Variants in ANKMY2 observed in about 807,000 individuals in gnomAD.
ANKMY2 encodes the protein ankyrin repeat and MYND domain-containing protein 2.
In ANKMY2, 36 loss-of-function variants were observed where a neutral mutation model predicts 50.4. The ratio of observed to expected loss-of-function variants is 0.71; its 90% confidence interval spans 0.55 to 0.94. The LOEUF is 0.94. Ranked by LOEUF, ANKMY2 falls within the 40% of genes least tolerant of loss-of-function variation. ANKMY2 has a pLI of 0.00. For missense variants in ANKMY2, 565 were observed against 524.0 expected (o/e 1.08, Z -0.76); for synonymous variants, 187 against 178.8 (o/e 1.05, Z -0.36).
chr7:16,619,450 G>A (rs552046460), intron 4 of ANKMY2, among the ~76,000 whole-genome samples: 10 of 152,064 alleles, frequency 6.6e-5, no homozygotes, highest in South Asian at 2.1e-4. Flanking sequence ...TACTGTGCCC[G>A]GCCTAATTAT....
At chr7:16,631,311 C>G (rs1781577927) in intron 2 of ANKMY2, among the ~76,000 whole-genome samples, 1 of 152,186 alleles carries the variant, frequency 6.6e-6, no homozygotes, top group Admixed American at 6.5e-5. Context: ...CTGCATCAAC[C>G]TGCTAACATT....
At chr7:16,606,554 G>A (rs1265958481) in intron 7 of ANKMY2, among the ~76,000 whole-genome samples, 1 of 152,000 alleles carries the variant, frequency 6.6e-6, no homozygotes, top group Non-Finnish European at 1.5e-5. Context: ...TCTTTGTTCT[G>A]AGTTTTTCAA....
Position 16,627,212 on chromosome 7 carries a change from A to G in ANKMY2, c.133-34T>C, listed in dbSNP as rs1320225888. On this transcript the variant is annotated intron_variant, in intron 2 of 9. Coordinates refer to ENST00000306999, the MANE Select transcript of ANKMY2 (RefSeq NM_020319.3). ...GAAAGAGGAAAAAAGTATTAATTTT[A>G]CTGTTTTATCTTTTCTGTACCTATG... The G allele has an allele frequency of 2.7e-6, 4 of 1,485,144 alleles. No homozygotes were observed. In the South Asian group the frequency reaches 5.0e-5, roughly 18 times the overall value. 92.0% of individuals were successfully genotyped at this position (1,485,144 alleles called of 1,614,324 possible).
chr7:16,612,853 T>G (rs511938), intron 5 of ANKMY2, among the ~76,000 whole-genome samples: 20,962 of 152,242 alleles, frequency 0.14, 1,776 homozygotes, highest in Admixed American at 0.29. Flanking sequence ...GGAAATCCTT[T>G]TTATTAATTA....
At chr7:16,605,655 G>A (rs1781145563) in intron 7 of ANKMY2, among the ~76,000 whole-genome samples, 1 of 144,510 alleles carries the variant, frequency 6.9e-6, no homozygotes, top group African/African-American at 2.6e-5. Flanking sequence ...CCGCCACTAC[G>A]CCCAGCTAAT....
intron 5 of ANKMY2, among the ~76,000 whole-genome samples, chr7:16,613,960 A>T (rs1045987080): frequency 7.2e-5 from 11 of 152,012 alleles, no homozygotes; most frequent in Non-Finnish European, 1.5e-4. Context: ...CCCTTACTGC[A>T]ATCTGAAGAG....
rs1256967272 is a variant in ANKMY2, at chr7:16,600,867, G to A, written c.1220C>T (p.Ser407Phe). The A allele has an allele frequency of 1.2e-6, 2 of 1,613,058 alleles. No individual in the cohort carries two copies. Among genetic ancestry groups the A allele is most frequent in the African/African-American group, 2.7e-5 (2 of 74,828 alleles). Residue 407 changes from serine (S) to phenylalanine (F), a missense_variant, in exon 10 of 10, where the codon TCC becomes TTC. Ser to Phe is a radical substitution (Grantham distance 155). Transcript: ENST00000306999. The stretch of plus-strand genomic sequence containing the variant: ...TCCTTCCCCGGAATCTTCAGGATTG[G>A]AATCCTTTTGAGAGATACCTACTTC... ...EAEVGISQKD[S>F]NPEDSGEGKK... is the part of the protein sequence containing the mutation.
chr7:16,608,638 G>A (rs1781197147), intron 7 of ANKMY2, among the ~76,000 whole-genome samples: 1 of 152,172 alleles, frequency 6.6e-6, no homozygotes. Flanking sequence ...GACAAAAGCT[G>A]ATCAAGTTTT....
rs1253684476 is a variant in ANKMY2 at position 16,604,435 on chromosome 7, CTCT to C, written c.1011+283_1011+285del. ...GTCTCGTGCCCCACGGAAAACCTTTCTCTTATTTTCTCATATTCATTCATTCAT... is the reference window on the plus strand; with the variant it reads ...GTCTCGTGCCCCACGGAAAACCTTTCTATTTTCTCATATTCATTCATTCAT... On this transcript the variant is annotated intron_variant, in intron 8 of 9. Transcript: ENST00000306999. Among the ~76,000 whole-genome samples the C allele has an allele frequency of 7.9e-5, 9 of 114,546 alleles. No individual in the cohort carries two copies. In the East Asian group the frequency reaches 2.1e-3, roughly 27 times the overall value. 75.1% of individuals were successfully genotyped at this position (114,546 alleles called of 152,430 possible).
intron 2 of ANKMY2, among the ~76,000 whole-genome samples, chr7:16,630,326 A>G (rs1781565058): frequency 6.6e-6 from 1 of 152,168 alleles, no homozygotes; most frequent in Non-Finnish European, 1.5e-5. Context: ...ATCTAGATGA[A>G]TTTTTAAATT....
rs551428985 is a variant in ANKMY2, at chr7:16,625,136, A to C, written c.272-55T>G. The C allele has an allele frequency of 1.6e-5, 23 of 1,399,380 alleles. No individual in the cohort carries two copies. In the African/African-American group the frequency reaches 3.0e-4, roughly 18 times the overall value. The allele number at this position is 1,399,380 out of a possible 1,614,324, so 86.7% of individuals were successfully genotyped here. ...ATGTTAAGGAGGACACAATTTAAAC[A>C]TCCCTTTCTAAACTCTCTATACCCT... On this transcript the variant is annotated intron_variant, in intron 3 of 9. Coordinates refer to ENST00000306999, the MANE Select transcript of ANKMY2 (RefSeq NM_020319.3).
At chr7:16,627,312 T>C (rs2128344888) in intron 2 of ANKMY2, 134 bp from the exon 3 acceptor site, 1 of 538,416 alleles carries the variant, frequency 1.9e-6, no homozygotes, top group Non-Finnish European at 3.0e-6. Flanking sequence ...TATTTTTATA[T>C]TTGCTTCCAC....
At chr7:16,630,074 C>T (rs1351048001) in intron 2 of ANKMY2, among the ~76,000 whole-genome samples, 1 of 151,988 alleles carries the variant, frequency 6.6e-6, no homozygotes, top group African/African-American at 2.4e-5. Flanking sequence ...ATACATGATG[C>T]AAGTTAATTT....
At chr7:16,606,516 T>C (rs2068954821) in intron 7 of ANKMY2, among the ~76,000 whole-genome samples, 1 of 152,230 alleles carries the variant, frequency 6.6e-6, no homozygotes, top group African/African-American at 2.4e-5. Flanking sequence ...TCACAGCGTT[T>C]CTATTTTTCT....
At chr7:16,607,355 CA>C (rs1289943602) in intron 7 of ANKMY2, among the ~76,000 whole-genome samples, 1 of 152,114 alleles carries the variant, frequency 6.6e-6, no homozygotes, top group Non-Finnish European at 1.5e-5. Context: ...CACTTGAGGT[CA>C]GGAGTTCAAG....
At chr7:16,615,996 T>G in intron 4 of ANKMY2, 92 bp from the exon 5 acceptor site, 1 of 1,222,400 alleles carries the variant, frequency 8.2e-7, no homozygotes, top group Non-Finnish European at 1.1e-6. Flanking sequence ...TTTTGTGATG[T>G]AAACATGCAC....
intron 5 of ANKMY2, among the ~76,000 whole-genome samples, chr7:16,613,480 T>C (rs1583671383): frequency 2.0e-5 from 3 of 152,086 alleles, no homozygotes; most frequent in East Asian, 3.9e-4. Flanking sequence ...AGCGAATAGA[T>C]TGTTTATACC....
rs530072383 is a variant in ANKMY2, at chr7:16,640,469, C to T, written c.68-4014G>A. ...AAACATTCTGTTTTCAGCAATTCAT[C>T]ACACAACCATGAGATTCAAACACGT... is the stretch of plus-strand genomic sequence containing the variant. On this transcript the variant is annotated intron_variant, in intron 1 of 9. Transcript: ENST00000306999. Among the ~76,000 whole-genome samples the T allele has an allele frequency of 4.6e-5, 7 of 152,282 alleles. No homozygotes were observed. In the South Asian group the frequency reaches 1.4e-3, roughly 32 times the overall value.
chr7:16,606,121 A>C (rs1449029681), intron 7 of ANKMY2, among the ~76,000 whole-genome samples: 2 of 152,094 alleles, frequency 1.3e-5, no homozygotes, highest in East Asian at 3.9e-4. Context: ...CTGGCCTATA[A>C]ACTTTTTTTA....
Sources: gnomAD v4.1 joint callset for allele counts (sites outside exome capture counted in the v4.1 genomes callset) on GRCh38, gnomAD v4.1.1 for gene constraint, MANE v1.5 for transcripts, NCBI Gene and HGNC (gene_info 2026-07-23, HGNC 2026-07-21) for gene names.